The following MYBBP1A variants were observed in gnomAD, a reference collection of about 807,000 sequenced individuals.
The protein encoded by MYBBP1A is myb-binding protein 1A.
A neutral mutation model predicts 136.3 loss-of-function variants in MYBBP1A; 147 were observed. The ratio of observed to expected loss-of-function variants is 1.08; its 90% confidence interval spans 0.94 to 1.24. The LOEUF (loss-of-function observed/expected upper bound fraction) is 1.24. Ranked by LOEUF, MYBBP1A falls within the 50% of genes most tolerant of loss-of-function variation. The pLI, the probability that MYBBP1A is intolerant of heterozygous loss-of-function variation, is 0.00. For missense variants in MYBBP1A, 2,060 were observed against 1,727.4 expected (o/e 1.19, Z -3.41); for synonymous variants, 947 against 735.8 (o/e 1.29, Z -4.65).
intron 8 of MYBBP1A, among the ~76,000 whole-genome samples, chr17:4,551,591 C>T (rs1455851948): frequency 6.6e-6 from 1 of 152,224 alleles, no homozygotes; most frequent in Non-Finnish European, 1.5e-5. Flanking sequence ...CGCCTGTAAT[C>T]CCAGCTACTC....
Position 4,555,273 on chromosome 17 carries a change from T to G in MYBBP1A, c.52A>C (p.Ser18Arg). The G allele has an allele frequency of 6.2e-7, 1 of 1,611,046 alleles. No individual in the cohort carries two copies. Among genetic ancestry groups the G allele is most frequent in the Non-Finnish European group, 8.5e-7 (1 of 1,179,274 alleles). ...QPMSPGEATQ[S>R]GARPADRYGL... ...TAGCGGTCGGCAGGCCGGGCGCCAC[T>G]CTGCGTCGCTTCTCCAGGCGACATC... The change falls in exon 1 of 26, where the codon AGT becomes CGT. Residue 18 changes from serine to arginine, a missense_variant. Coordinates refer to ENST00000254718, the MANE Select transcript of MYBBP1A (RefSeq NM_014520.4).
At position 4,544,501 on chromosome 17, in the gene MYBBP1A, G is replaced by C. The variant is rs775367838; in HGVS notation, c.2627C>G (p.Ala876Gly). The C allele has an allele frequency of 6.5e-7, 1 of 1,550,370 alleles. No individual in the cohort carries two copies. Among genetic ancestry groups the C allele is most frequent in the South Asian group, 1.2e-5 (1 of 84,146 alleles). Residue 876 changes from alanine to glycine, a missense_variant, in exon 19 of 26, where the codon GCG (alanine) becomes GGG (glycine). Coordinates refer to ENST00000254718, the MANE Select transcript of MYBBP1A (RefSeq NM_014520.4). ...CCCCCGTGCTCACGTGAAGATGCGC[G>C]CCGTCTTGTGCAGAAGGTCCTGCTC... ...KQEQDLLHKT[A>G]RIFTHHLCRA...
intron 19 of MYBBP1A, among the ~76,000 whole-genome samples, chr17:4,544,015 G>A (rs1464881962): frequency 6.6e-6 from 1 of 152,206 alleles, no homozygotes. Context: ...TGTCTGACCA[G>A]CTCCCGTCAG....
chr17:4,544,986 GCCCT>G, intron 17 of MYBBP1A, 36 bp downstream of exon 17: 2 of 1,464,156 alleles, frequency 1.4e-6, no homozygotes, highest in Non-Finnish European at 1.8e-6. Flanking sequence ...GGACACCCGA[GCCCT>G]CCCCGGCCGC....
chr17:4,552,206 G>A lies in MYBBP1A; in HGVS notation c.824C>T (p.Ala275Val), dbSNP rs1445154010. Residue 275 changes from alanine to valine, a missense_variant, in exon 7 of 26, where the codon GCA becomes GTA. Coordinates refer to ENST00000254718, the MANE Select transcript of MYBBP1A (RefSeq NM_014520.4). This position sits in a 1 kb window ranked among gnomAD's most constrained non-coding sequence, Gnocchi z 4.7. ...CCGTGGGAACTTGTCTTCCTTGAGT[G>A]CCAGGCGGAGCAGGTCCAGAGCAAT... The part of the protein sequence containing the change: ...PAIALDLLRL[A>V]LKEDKFPRFW... The A allele has an allele frequency of 6.2e-6, 10 of 1,614,110 alleles. No individual in the cohort carries two copies. Among genetic ancestry groups the A allele is most frequent in the Admixed American group, 3.3e-5 (2 of 60,014 alleles).
Position 4,542,751 on chromosome 17 carries a change from G to A in MYBBP1A, c.2893-10C>T, listed in dbSNP as rs756394351. ...CCAAGCAGCTGGCAGCCTAGGCCAG[G>A]GGAGAGCGAGCTGGGTGAGGCCAGG... On this transcript the variant is annotated splice_polypyrimidine_tract_variant and intron_variant, in intron 20 of 25. Coordinates refer to ENST00000254718, the MANE Select transcript of MYBBP1A (RefSeq NM_014520.4). 6.8e-6 allele frequency: 11 copies of A among 1,613,476 alleles called. No homozygotes were observed. The highest frequency in any genetic ancestry group is 1.1e-5 in the South Asian group (1 of 90,992).
chr17:4,554,397 C>A (rs994920786), intron 2 of MYBBP1A, 119 bp from the exon 3 acceptor site: 4 of 788,766 alleles, frequency 5.1e-6, no homozygotes, highest in Non-Finnish European at 8.3e-6. Flanking sequence ...GGTCCCTAGT[C>A]CCACCTTCTA....
In MYBBP1A at chr17:4,548,560, T is replaced by G; in HGVS notation, c.1520A>C (p.Asn507Thr). 1.2e-6 allele frequency: 2 copies of G among 1,614,110 alleles called. No homozygotes were observed. Among genetic ancestry groups the G allele is most frequent in the Non-Finnish European group, 1.7e-6 (2 of 1,180,016 alleles). The change falls in exon 11 of 26, where the codon AAC becomes ACC. Residue 507 changes from asparagine to threonine, a missense_variant. By Grantham distance (65) the Asn-to-Thr change is moderately conservative. Transcript: ENST00000254718. The surrounding 1 kb of genome is among the most constrained non-coding windows in gnomAD (Gnocchi z 4.2). ...ACTGCTGACAGCCTCTCGGGCCTGGTTTTCCAAAGGGAAGGAGAACGGGTG... is the reference window on the plus strand; with the variant it reads ...ACTGCTGACAGCCTCTCGGGCCTGGGTTTCCAAAGGGAAGGAGAACGGGTG... ...TKHPFSFPLENQAREAVSSAF... is the reference protein window; with the variant it reads ...TKHPFSFPLETQAREAVSSAF...
At chr17:4,540,318 C>T (rs369374364) in intron 25 of MYBBP1A, 30 bp downstream of exon 25, 2 of 1,576,794 alleles carry the variant, frequency 1.3e-6, no homozygotes, top group East Asian at 2.2e-5. Flanking sequence ...AGCCCCTACC[C>T]AAGGTGTGTG....
chr17:4,549,413 T>C lies in MYBBP1A; in HGVS notation c.1349A>G (p.Lys450Arg). 1.9e-6 allele frequency: 3 copies of C among 1,613,142 alleles called. No individual in the cohort carries two copies. Among genetic ancestry groups the C allele is most frequent in the Non-Finnish European group, 2.5e-6 (3 of 1,179,898 alleles). ...MPERAVFRLR[K>R]WIIFRLVSIV... ...GCTCACCAATCGAAAGATGATCCAT[T>C]TCCTCAGCCGGAACACAGCTCGCTC... Residue 450 changes from lysine (K) to arginine (R), a missense_variant, in exon 10 of 26, where the codon AAA (lysine) becomes AGA (arginine). Lys to Arg is a conservative substitution (Grantham distance 26). Transcript: ENST00000254718.
chr17:4,541,340 G>C (rs12450708), intron 24 of MYBBP1A, 123 bp downstream of exon 24: 275,079 of 861,830 alleles, frequency 0.32, 48,213 homozygotes, highest in African/African-American at 0.56. Context: ...CCCAGGCACT[G>C]AGAAGTTTCC....
intron 13 of MYBBP1A, among the ~76,000 whole-genome samples, chr17:4,546,960 G>A (rs977098820): frequency 6.6e-6 from 1 of 151,042 alleles, no homozygotes; most frequent in African/African-American, 2.4e-5. Context: ...TGCCCAGGCT[G>A]GAGTACAGTG....
In MYBBP1A at chr17:4,539,776, C is replaced by T. The variant is rs1020193927; in HGVS notation, c.3626G>A (p.Gly1209Asp). Residue 1209 changes from glycine to aspartate, a missense_variant, in exon 26 of 26, where the codon GGC becomes GAC. Physicochemically the swap from Gly to Asp is moderately conservative, Grantham distance 94 (BLOSUM62 -1). Transcript: ENST00000254718. ...CTTTGTCCTGTTCCTCTTCTTCCTG[C>T]CCATGCTGGGGGGCTGGCTCCCGCC... ...ATGGSQPPSM[G>D]RKKRNRTKAK... is the part of the protein sequence containing the mutation. 2.6e-5 allele frequency: 42 copies of T among 1,612,804 alleles called. No homozygotes were observed. The highest frequency in any genetic ancestry group is 3.4e-5 in the Non-Finnish European group (40 of 1,180,024).
chr17:4,545,184 T>C lies in MYBBP1A; in HGVS notation c.2161-9A>G, dbSNP rs746749728. 1.2e-6 allele frequency: 2 copies of C among 1,613,142 alleles called. No individual in the cohort carries two copies. Among genetic ancestry groups the C allele is most frequent in the South Asian group, 1.1e-5 (1 of 91,058 alleles). ...CCTTCCTCGCTCTTGTCCTGTGTGG[T>C]AGAGGCAGGCGCGTCACACACCTCC... On this transcript the variant is annotated splice_polypyrimidine_tract_variant and intron_variant, in intron 16 of 25. Coordinates refer to ENST00000254718, the MANE Select transcript of MYBBP1A (RefSeq NM_014520.4).
At position 4,539,866 on chromosome 17, in the gene MYBBP1A, T is replaced by G; in HGVS notation, c.3536A>C (p.Lys1179Thr). 1.2e-6 allele frequency: 2 copies of G among 1,606,190 alleles called. No homozygotes were observed. Among genetic ancestry groups the G allele is most frequent in the Non-Finnish European group, 1.7e-6 (2 of 1,179,982 alleles). The change falls in exon 26 of 26, where the codon AAG (lysine) becomes ACG (threonine). Residue 1179 changes from lysine (K) to threonine (T), a missense_variant. Transcript: ENST00000254718. ...RKKKGFLPETKKRKKRKSEDG... is the reference protein window; with the variant it reads ...RKKKGFLPETTKRKKRKSEDG... ...CTCTGACTTGCGTTTCTTGCGCTTC[T>G]TCGTCTCTGGCAAGAATCCCTTTTT...
Position 4,544,737 on chromosome 17 carries a change from G to GCCCCCAGGCTCA in MYBBP1A, c.2481+2_2481+13dup. On this transcript the variant is annotated intron_variant, in intron 18 of 25. Coordinates refer to ENST00000254718, the MANE Select transcript of MYBBP1A (RefSeq NM_014520.4). ...AGGGAGGCGGGGGTGGGTGCGGCCC[G>GCCCCCAGGCTCA]CCCCCAGGCTCACCCGGATCTGGAA... 1.3e-6 allele frequency: 2 copies of GCCCCCAGGCTCA among 1,535,288 alleles called. No homozygotes were observed. Among genetic ancestry groups the GCCCCCAGGCTCA allele is most frequent in the Non-Finnish European group, 8.8e-7 (1 of 1,136,824 alleles).
chr17:4,545,981 G>A (rs1555541262), intron 13 of MYBBP1A, 39 bp from the exon 14 acceptor site: 1 of 1,584,938 alleles, frequency 6.3e-7, no homozygotes, highest in South Asian at 1.1e-5. Flanking sequence ...GCCAGGCCCT[G>A]TCCCCAGCCC....
At position 4,552,840 on chromosome 17, in the gene MYBBP1A, ATT is replaced by A. The variant is rs58061056; in HGVS notation, c.562-216_562-215del. 5.0e-4 allele frequency among the ~76,000 whole-genome samples: 74 copies of A among 147,794 alleles called. No individual in the cohort carries two copies. The highest frequency in any genetic ancestry group is 8.0e-4 in the East Asian group (4 of 5,024). On this transcript the variant is annotated intron_variant, in intron 5 of 25. Transcript: ENST00000254718. The surrounding 1 kb of genome is among the most constrained non-coding windows in gnomAD (Gnocchi z 4.7). ...TGGAGGTACCTGCCCCCCACCCCTTATTTTTTTTTTTTAAGACAGAGTCTCAC... is the reference window on the plus strand; with the variant it reads ...TGGAGGTACCTGCCCCCCACCCCTTATTTTTTTTTTAAGACAGAGTCTCAC...
rs1376104555 is a variant in MYBBP1A, at chr17:4,552,564, T to C, written c.624A>G (p.Ile208Met). 2 of 1,614,008 alleles carry C rather than the reference T, an allele frequency of 1.2e-6. No homozygotes were observed. The highest frequency in any genetic ancestry group is 4.5e-5 in the East Asian group (2 of 44,878). Residue 208 changes from isoleucine (I) to methionine (M), a missense_variant, in exon 6 of 26, where the codon ATA (isoleucine) becomes ATG (methionine). Transcript: ENST00000254718. The surrounding 1 kb of genome is among the most constrained non-coding windows in gnomAD (Gnocchi z 4.7). ...PEVLKADLNI[I>M]LSSPEQLELF... ...GCTCTAGCTGTTCAGGGGAGCTGAG[T>C]ATTATATTCAAGTCGGCTTTGAGGA...
Sources: allele counts gnomAD v4.1 joint callset (sites outside exome capture counted in the v4.1 genomes callset), GRCh38; gene constraint gnomAD v4.1.1; non-coding constraint Gnocchi (gnomAD v3.1); transcripts MANE v1.5; gene names NCBI Gene and HGNC (gene_info 2026-07-23, HGNC 2026-07-21).